NEDD4: variants seen among roughly 807,000 people sequenced by gnomAD.
NEDD4 encodes the protein E3 ubiquitin-protein ligase NEDD4.
Under a neutral mutation model 144.9 loss-of-function variants are expected in NEDD4, and 99 were observed. The ratio of observed to expected loss-of-function variants is 0.68; its 90% confidence interval spans 0.58 to 0.81. The LOEUF is 0.81. Ranked by LOEUF, NEDD4 falls within the 30% of genes least tolerant of loss-of-function variation. The pLI is 0.00. For missense variants in NEDD4, 985 were observed against 1,065.9 expected (o/e 0.92, Z 1.06); for synonymous variants, 318 against 350.6 (o/e 0.91, Z 1.04).
chr15:55,836,033 C>T lies in NEDD4; in HGVS notation c.2263-1747G>A, dbSNP rs530851481. On this transcript the variant is annotated intron_variant, in intron 24 of 28. Coordinates refer to ENST00000435532, the MANE Select transcript of NEDD4 (RefSeq NM_006154.4). ...CTCTTGCATTCTCTCACCCAGCATACTCAACTGCCTGTGGGTACAGCCTAC... is the reference window on the plus strand; with the variant it reads ...CTCTTGCATTCTCTCACCCAGCATATTCAACTGCCTGTGGGTACAGCCTAC... Among the ~76,000 whole-genome samples the T allele has an allele frequency of 2.6e-5, 4 of 152,264 alleles. No individual in the cohort carries two copies. The East Asian group carries it at 7.7e-4, about 29-fold the overall frequency.
At chr15:55,908,647 T>G (rs1190594311) in intron 5 of NEDD4, among the ~76,000 whole-genome samples, 1 of 152,218 alleles carries the variant, frequency 6.6e-6, no homozygotes, top group Non-Finnish European at 1.5e-5. Flanking sequence ...TGCATTTTAA[T>G]AAGATCGCCA....
chr15:55,978,922 CAAAA>C (rs61198421), intron 1 of NEDD4, among the ~76,000 whole-genome samples: 3 of 128,860 alleles, frequency 2.3e-5, no homozygotes, highest in Non-Finnish European at 1.7e-5. Context: ...CTTGACAACG[CAAAA>C]AAAAAAAAAA....
At chr15:55,885,007 AC>A (rs1298891473) in intron 5 of NEDD4, among the ~76,000 whole-genome samples, 1 of 152,214 alleles carries the variant, frequency 6.6e-6, no homozygotes, top group African/African-American at 2.4e-5. Context: ...ATATTTATTA[AC>A]AAAACTCCCA....
intron 5 of NEDD4, among the ~76,000 whole-genome samples, chr15:55,881,360 T>C (rs1277421937): frequency 6.6e-6 from 1 of 152,024 alleles, no homozygotes; most frequent in Non-Finnish European, 1.5e-5. Flanking sequence ...AGGCTGGTCT[T>C]GAACTCCTGA....
chr15:55,895,170 C>T (rs1442945898), intron 5 of NEDD4, among the ~76,000 whole-genome samples: 3 of 152,128 alleles, frequency 2.0e-5, no homozygotes, highest in Non-Finnish European at 2.9e-5. Flanking sequence ...TATTCACTCT[C>T]GACTGAAAAT....
At chr15:55,865,875 G>A (rs1334307398) in intron 8 of NEDD4, among the ~76,000 whole-genome samples, 1 of 152,158 alleles carries the variant, frequency 6.6e-6, no homozygotes, top group African/African-American at 2.4e-5. Context: ...GACGAGTAGT[G>A]GAGTAGGAAG....
chr15:55,881,111 A>C (rs2035175440), intron 5 of NEDD4, among the ~76,000 whole-genome samples: 1 of 151,728 alleles, frequency 6.6e-6, no homozygotes, highest in Admixed American at 6.6e-5. Flanking sequence ...TGATGTTTTC[A>C]AGGCTATATT....
intron 1 of NEDD4, among the ~76,000 whole-genome samples, chr15:55,968,486 C>T (rs1308337390): frequency 7.3e-3 from 1,110 of 151,938 alleles, no homozygotes; most frequent in African/African-American, 0.026. Context: ...GTAGACATAT[C>T]TAAAATATCT....
At chr15:55,991,214 C>T (rs17238531) in intron 1 of NEDD4, among the ~76,000 whole-genome samples, 1,674 of 152,240 alleles carry the variant, frequency 0.011, 13 homozygotes, top group Non-Finnish European at 0.018. Flanking sequence ...CAGCAGAGGG[C>T]TGCCTATTTC....
intron 5 of NEDD4, among the ~76,000 whole-genome samples, chr15:55,891,757 A>G (rs537367580): frequency 1.0e-3 from 152 of 152,194 alleles, no homozygotes; most frequent in Non-Finnish European, 1.8e-3. Flanking sequence ...ATAAAAAGAA[A>G]ATCCAAATTG....
Position 55,838,094 on chromosome 15 carries a change from A to G in NEDD4, c.2201+13T>C. 7.0e-7 allele frequency: 1 copy of G among 1,424,548 alleles called. No individual in the cohort carries two copies. Among genetic ancestry groups the G allele is most frequent in the Non-Finnish European group, 9.7e-7 (1 of 1,033,786 alleles). The allele number at this position is 1,424,548 out of a possible 1,614,324, so 88.2% of individuals were successfully genotyped here. A position where few individuals can be genotyped will look rare whatever the true frequency, so the allele number is the denominator to read the frequency against. On this transcript the variant is annotated intron_variant, in intron 23 of 28. Coordinates refer to ENST00000435532, the MANE Select transcript of NEDD4 (RefSeq NM_006154.4). Reference sequence around the variant, plus strand: ...ATTATATCCAATAAAATACATACTAATAAAATACTTACTAAATATATTCCT... The same window carrying G: ...ATTATATCCAATAAAATACATACTAGTAAAATACTTACTAAATATATTCCT...
At chr15:55,869,011 C>T (rs2142055725) in intron 8 of NEDD4, among the ~76,000 whole-genome samples, 1 of 152,280 alleles carries the variant, frequency 6.6e-6, no homozygotes, top group South Asian at 2.1e-4. Flanking sequence ...TACTTTCTGC[C>T]TCCTACTTGC....
At chr15:55,957,344 A>G (rs62045210) in intron 2 of NEDD4, among the ~76,000 whole-genome samples, 12,586 of 152,268 alleles carry the variant, frequency 0.083, 598 homozygotes, top group Admixed American at 0.12. Flanking sequence ...AGAACATGAA[A>G]GCAGACAACT....
At chr15:55,885,916 TA>T (rs139880232) in intron 5 of NEDD4, among the ~76,000 whole-genome samples, 6,606 of 145,304 alleles carry the variant, frequency 0.045, 232 homozygotes, top group East Asian at 0.17. Flanking sequence ...TGAATAGATT[TA>T]AAAAAAAAAA....
chr15:55,857,075 A>G (rs1326601332), intron 11 of NEDD4, among the ~76,000 whole-genome samples: 1 of 152,242 alleles, frequency 6.6e-6, no homozygotes, highest in Non-Finnish European at 1.5e-5. Context: ...GAAATGGTTC[A>G]ATGTCTAAGA....
intron 1 of NEDD4, among the ~76,000 whole-genome samples, chr15:55,990,991 G>A (rs1236430305): frequency 3.3e-5 from 5 of 152,348 alleles, no homozygotes; most frequent in South Asian, 2.1e-4. Context: ...TGAAAAGTGA[G>A]AGAAAGGTAT....
intron 4 of NEDD4, among the ~76,000 whole-genome samples, chr15:55,939,131 A>C (rs8025909): frequency 1.5e-4 from 11 of 72,802 alleles, no homozygotes; most frequent in Non-Finnish European, 2.9e-4. Flanking sequence ...AACAAACAAA[A>C]AAACCCACCA....
intron 4 of NEDD4, among the ~76,000 whole-genome samples, chr15:55,937,633 T>A (rs2036918534): frequency 6.6e-6 from 1 of 151,952 alleles, no homozygotes; most frequent in Non-Finnish European, 1.5e-5. Context: ...GGCAGTAGAG[T>A]CCTAATCCTG....
chr15:55,844,593 T>G (rs2033663395), intron 18 of NEDD4, among the ~76,000 whole-genome samples: 1 of 152,144 alleles, frequency 6.6e-6, no homozygotes, highest in South Asian at 2.1e-4. Context: ...GTTACATGTC[T>G]TTTCTAAGGA....
Sources: gnomAD v4.1 joint callset for allele counts (sites outside exome capture counted in the v4.1 genomes callset) on GRCh38, gnomAD v4.1.1 for gene constraint, MANE v1.5 for transcripts, NCBI Gene and HGNC (gene_info 2026-07-23, HGNC 2026-07-21) for gene names.